Variants in STARD8 observed in about 807,000 individuals in gnomAD.
The protein encoded by STARD8 is stAR-related lipid transfer protein 8.
In STARD8, 25 loss-of-function variants were observed where a neutral mutation model predicts 69.4. The observed-to-expected ratio is 0.36, with a 90% CI of 0.26 to 0.50. The LOEUF is 0.50. Among genes scored for constraint, STARD8 ranks in the 20% least tolerant of loss-of-function variants. The probability of loss-of-function intolerance (pLI) is 0.96; values close to 1 mark genes in which losing one functional copy is unlikely to be tolerated. For missense variants in STARD8, 921 were observed against 932.5 expected, an observed-to-expected ratio of 0.99 and a Z score of 0.16; for synonymous variants, 389 against 374.6, an observed-to-expected ratio of 1.04 and a Z score of -0.45.
intron 1 of STARD8, among the ~76,000 whole-genome samples, chrX:68,651,022 C>T (rs146336940): frequency 0.016 from 1,845 of 112,395 alleles, 28 homozygotes; most frequent in Non-Finnish European, 0.028. Flanking sequence ...TACATAGAGA[C>T]GAACACACAT....
chrX:68,654,510 A>G (rs976293528), intron 1 of STARD8, among the ~76,000 whole-genome samples: 2 of 111,445 alleles, frequency 1.8e-5, no homozygotes, highest in East Asian at 5.7e-4. Flanking sequence ...CATGCTTTTC[A>G]CTAGGCACCA....
chrX:68,680,057 A>G (rs2079791886), intron 2 of STARD8, among the ~76,000 whole-genome samples: 2 of 111,710 alleles, frequency 1.8e-5, no homozygotes, highest in Non-Finnish European at 3.8e-5. Context: ...TGTCTCTAGG[A>G]CTTTGGCATG....
chrX:68,665,542 C>T lies in STARD8; in HGVS notation c.79+10C>T, dbSNP rs116013626. 5.0e-3 allele frequency: 6,033 copies of T among 1,204,830 alleles called. 189 individuals are homozygous for T. In the African/African-American group the frequency reaches 0.091, roughly 18 times the overall value. ...GTGAAGAAGAACGCTGGTAAGTACA[C>T]GAGGTGGGCATTGCAAGTGGCATAC... On this transcript the variant is annotated intron_variant, in intron 2 of 14. Coordinates refer to ENST00000374599, the MANE Select transcript of STARD8 (RefSeq NM_001142503.3).
At chrX:68,711,607 C>A (rs144995378) in intron 2 of STARD8, among the ~76,000 whole-genome samples, 339 of 112,224 alleles carry the variant, frequency 3.0e-3, no homozygotes, top group Non-Finnish European at 5.1e-3. Flanking sequence ...TGACTGACTT[C>A]TGACTTCCCC....
At chrX:68,713,029 C>T (rs1424667719) in intron 3 of STARD8, 44 bp downstream of exon 3, 3 of 1,137,442 alleles carry the variant, frequency 2.6e-6, no homozygotes, top group African/African-American at 1.8e-5. Flanking sequence ...TCCCCTAGCC[C>T]TCAGTTTTTC....
chrX:68,697,579 G>T (rs1041491818), intron 2 of STARD8, among the ~76,000 whole-genome samples: 1 of 112,713 alleles, frequency 8.9e-6, no homozygotes, highest in African/African-American at 3.2e-5. Context: ...CCTCCCCTGC[G>T]CCTGGCCCCT....
At chrX:68,655,567 T>C (rs2079606322) in intron 1 of STARD8, among the ~76,000 whole-genome samples, 1 of 112,209 alleles carries the variant, frequency 8.9e-6, no homozygotes, top group East Asian at 2.8e-4. Flanking sequence ...GCTGGACATA[T>C]GCTGTGTAAC....
At chrX:68,700,526 A>C (rs2079958714) in intron 2 of STARD8, among the ~76,000 whole-genome samples, 1 of 112,583 alleles carries the variant, frequency 8.9e-6, no homozygotes, top group African/African-American at 3.2e-5. Flanking sequence ...AGTGAGCTCC[A>C]AGGGACGTGG....
At chrX:68,656,014 G>T (rs2079608753) in intron 1 of STARD8, 1 of 111,920 alleles carries the variant, frequency 8.9e-6, no homozygotes, top group Admixed American at 9.5e-5. Flanking sequence ...CAAGGGACTT[G>T]TCCTGAGTGG....
chrX:68,716,429 C>G lies in STARD8; in HGVS notation c.295C>G (p.Gln99Glu), dbSNP rs1308666684. 8.3e-7 allele frequency: 1 copy of G among 1,208,256 alleles called. No individual in the cohort carries two copies. The highest frequency in any genetic ancestry group is 3.0e-5 in the East Asian group (1 of 33,695). Residue 99 changes from glutamine (Q) to glutamate (E), a missense_variant and splice_region_variant, in exon 5 of 15, where the codon CAG becomes GAG. Physicochemically the swap from Gln to Glu is conservative, Grantham distance 29. Coordinates refer to ENST00000374599, the MANE Select transcript of STARD8 (RefSeq NM_001142503.3). ...MKLEVHFQSK[Q>E]NEDSEEEEQC... ...ACTGGAGGTTCATTTTCAAAGCAAG[C>G]AGGTGAGTCATGGCAAAGCGTGGGT...
chrX:68,692,000 G>T (rs1401265482), intron 2 of STARD8, among the ~76,000 whole-genome samples: 1 of 112,481 alleles, frequency 8.9e-6, no homozygotes, highest in African/African-American at 3.2e-5. Context: ...CTTTGACAAG[G>T]TTTCTTGCCC....
In STARD8 at chrX:68,668,236, CTCTTTCTTTCTT is replaced by C. The variant is rs778005383; in HGVS notation, c.79+2732_79+2743del. On this transcript the variant is annotated intron_variant, in intron 2 of 14. Coordinates refer to ENST00000374599, the MANE Select transcript of STARD8 (RefSeq NM_001142503.3). Reference sequence around the variant, plus strand: ...CTCCTTCTTCTTTCTCTTTTTTCTCCTCTTTCTTTCTTTCTTTCTTTCTTTCTTTCTTTCTTT... The same window carrying C: ...CTCCTTCTTCTTTCTCTTTTTTCTCCTCTTTCTTTCTTTCTTTCTTTCTTT... 4.1e-3 allele frequency among the ~76,000 whole-genome samples: 298 copies of C among 73,224 alleles called. 1 individual carries two copies. Among genetic ancestry groups the C allele is most frequent in the African/African-American group, 0.014 (215 of 15,034 alleles). 63.6% of individuals were successfully genotyped at this position (73,224 alleles called of 115,157 possible).
In STARD8 at chrX:68,717,276, G is replaced by T. The variant is rs749743552; in HGVS notation, c.362G>T (p.Ser121Ile). ...ISSHWAFQQE[S>I]KCWSPMGSSD... Reference sequence around the variant, plus strand: ...AGCCACTGGGCCTTCCAGCAGGAAAGTAAGTGCTGGTCTCCTATGGGGTCC... The same window carrying T: ...AGCCACTGGGCCTTCCAGCAGGAAATTAAGTGCTGGTCTCCTATGGGGTCC... The change falls in exon 6 of 15, where the codon AGT (serine) becomes ATT (isoleucine). Residue 121 changes from serine to isoleucine, a missense_variant. Ser to Ile is a moderately radical substitution (Grantham distance 142). Coordinates refer to ENST00000374599, the MANE Select transcript of STARD8 (RefSeq NM_001142503.3). The T allele has an allele frequency of 1.7e-6, 2 of 1,204,631 alleles. No homozygotes were observed. The highest frequency in any genetic ancestry group is 2.2e-6 in the Non-Finnish European group (2 of 891,929).
chrX:68,711,647 GC>G (rs1467364343), intron 2 of STARD8, among the ~76,000 whole-genome samples: 2 of 112,023 alleles, frequency 1.8e-5, no homozygotes, highest in African/African-American at 6.5e-5. Context: ...TACTCACCTA[GC>G]ATCTCTGAAA....
intron 1 of STARD8, among the ~76,000 whole-genome samples, chrX:68,655,534 G>A (rs1437310232): frequency 8.9e-6 from 1 of 111,995 alleles, no homozygotes; most frequent in African/African-American, 3.2e-5. Flanking sequence ...TCCCTGACAT[G>A]GTTAATTGTA....
At chrX:68,652,944 A>C (rs2079564242) in intron 1 of STARD8, among the ~76,000 whole-genome samples, 1 of 58,128 alleles carries the variant, frequency 1.7e-5, no homozygotes, top group African/African-American at 7.0e-5. Context: ...CCACACACAC[A>C]CACCACACCA....
chrX:68,720,495 C>A, intron 8 of STARD8, 72 bp downstream of exon 8: 1 of 1,072,493 alleles, frequency 9.3e-7, no homozygotes, highest in Non-Finnish European at 1.2e-6. Context: ...GGGCTGAAGG[C>A]TGAGGAGCTG....
At chrX:68,650,143 G>C (rs755592272) in intron 1 of STARD8, among the ~76,000 whole-genome samples, 4 of 111,378 alleles carry the variant, frequency 3.6e-5, no homozygotes, top group Non-Finnish European at 7.5e-5. Context: ...GTTGGGCTAG[G>C]TTAAGAGCAG....
intron 1 of STARD8, among the ~76,000 whole-genome samples, chrX:68,649,710 A>G (rs1416096392): frequency 9.0e-6 from 1 of 111,293 alleles, no homozygotes; most frequent in Admixed American, 9.7e-5. Context: ...TTTATTTAAG[A>G]ACACTTTCCT....
Sources: allele counts gnomAD v4.1 joint callset (sites outside exome capture counted in the v4.1 genomes callset), GRCh38; gene constraint gnomAD v4.1.1; transcripts MANE v1.5; gene names NCBI Gene and HGNC (gene_info 2026-07-23, HGNC 2026-07-21).